Variants in TGFB2 observed in about 807,000 individuals in gnomAD.
The protein encoded by TGFB2 is transforming growth factor beta-2 proprotein.
TGFB2 carries 13 observed loss-of-function variants against 42.7 expected under a neutral mutation model. That is an observed-to-expected ratio of 0.30 (90% CI 0.20 to 0.48). The LOEUF is 0.48. Among genes scored for constraint, TGFB2 ranks in the 20% least tolerant of loss-of-function variants. The pLI, the probability that TGFB2 is intolerant of heterozygous loss-of-function variation, is 0.99. For missense variants in TGFB2, 390 were observed against 517.5 expected (o/e 0.75, Z 2.39); for synonymous variants, 193 against 193.6 (o/e 1.00, Z 0.03).
chr1:218,392,510 G>A (rs1658348159), intron 1 of TGFB2, among the ~76,000 whole-genome samples: 1 of 152,198 alleles, frequency 6.6e-6, no homozygotes, highest in Non-Finnish European at 1.5e-5. Context: ...AAGAACTCTT[G>A]TACTGTTGGA....
At chr1:218,429,385 CTCA>C (rs781003308) in intron 2 of TGFB2, among the ~76,000 whole-genome samples, 91 of 152,198 alleles carry the variant, frequency 6.0e-4, no homozygotes, top group Non-Finnish European at 1.5e-4. Flanking sequence ...TAGCATAATC[CTCA>C]GAGTTCATCC....
intron 2 of TGFB2, among the ~76,000 whole-genome samples, chr1:218,430,239 A>G (rs1418653359): frequency 6.6e-6 from 1 of 151,986 alleles, no homozygotes; most frequent in Non-Finnish European, 1.5e-5. Context: ...CTAAAAATAT[A>G]AAAAATTAGC....
At chr1:218,406,828 A>T (rs568062163) in intron 2 of TGFB2, among the ~76,000 whole-genome samples, 1 of 152,246 alleles carries the variant, frequency 6.6e-6, no homozygotes, top group East Asian at 1.9e-4. Flanking sequence ...GTAGAGTGAC[A>T]CTACAGAGGA....
chr1:218,398,461 A>G (rs1372323917), intron 1 of TGFB2, among the ~76,000 whole-genome samples: 1 of 152,236 alleles, frequency 6.6e-6, no homozygotes, highest in East Asian at 1.9e-4. Context: ...GCAAGCCTCA[A>G]ATCTACATTC....
chr1:218,420,389 G>A (rs1034244487), intron 2 of TGFB2, among the ~76,000 whole-genome samples: 2 of 152,180 alleles, frequency 1.3e-5, no homozygotes, highest in Non-Finnish European at 2.9e-5. Flanking sequence ...TCTCTTTTGT[G>A]TGATTTATAC....
At chr1:218,361,708 C>T (rs1657216821) in intron 1 of TGFB2, among the ~76,000 whole-genome samples, 2 of 152,276 alleles carry the variant, frequency 1.3e-5, no homozygotes, top group Non-Finnish European at 2.9e-5. Flanking sequence ...AGGTCAGATA[C>T]GAATGAGAAA....
intron 1 of TGFB2, among the ~76,000 whole-genome samples, chr1:218,391,657 A>C (rs1658320034): frequency 6.6e-6 from 1 of 152,256 alleles, no homozygotes; most frequent in Admixed American, 6.5e-5. Flanking sequence ...GTATACCCTG[A>C]ATAGGAGTAT....
At chr1:218,425,565 A>G (rs372141352) in intron 2 of TGFB2, among the ~76,000 whole-genome samples, 80 of 152,244 alleles carry the variant, frequency 5.3e-4, no homozygotes, top group African/African-American at 1.8e-3. Flanking sequence ...ATCCCACAAG[A>G]TTTCTGTGAA....
intron 2 of TGFB2, among the ~76,000 whole-genome samples, chr1:218,424,220 A>G (rs572959048): frequency 2.6e-5 from 4 of 152,352 alleles, no homozygotes; most frequent in Admixed American, 2.6e-4. Flanking sequence ...TATGATTTTA[A>G]CATTGTTATC....
chr1:218,357,633 C>A (rs1411970373), intron 1 of TGFB2, among the ~76,000 whole-genome samples: 1 of 152,198 alleles, frequency 6.6e-6, no homozygotes, highest in Non-Finnish European at 1.5e-5. Flanking sequence ...ACCACAATGA[C>A]TTGAGGAACT....
intron 1 of TGFB2, among the ~76,000 whole-genome samples, chr1:218,376,223 G>T (rs1657737543): frequency 6.6e-6 from 1 of 152,156 alleles, no homozygotes; most frequent in African/African-American, 2.4e-5. Flanking sequence ...AAGGCAGAAT[G>T]ACATTCTTTA....
intron 2 of TGFB2, among the ~76,000 whole-genome samples, chr1:218,415,749 G>A (rs1659257784): frequency 6.6e-6 from 1 of 150,944 alleles, no homozygotes; most frequent in African/African-American, 2.4e-5. Context: ...TATCAGAGTG[G>A]GAAAGGAGGA....
intron 1 of TGFB2, among the ~76,000 whole-genome samples, chr1:218,376,646 G>T (rs1298970574): frequency 6.6e-6 from 1 of 152,062 alleles, no homozygotes; most frequent in African/African-American, 2.4e-5. Context: ...CACCTAAGTG[G>T]GATGAATCCA....
Position 218,434,074 on chromosome 1 carries a change from C to T in TGFB2, c.511-8C>T, listed in dbSNP as rs770497232. Reference sequence around the variant, plus strand: ...TCAGCCTTTTCTCTTGCTCTTTTTCCCCTCCAGATTCTCAAGTCCAAAGAT... The same window carrying T: ...TCAGCCTTTTCTCTTGCTCTTTTTCTCCTCCAGATTCTCAAGTCCAAAGAT... On this transcript the variant is annotated splice_region_variant and splice_polypyrimidine_tract_variant and intron_variant, in intron 2 of 6. Transcript: ENST00000366930. 1.1e-5 allele frequency: 17 copies of T among 1,611,656 alleles called. No individual in the cohort carries two copies. The East Asian group carries it at 2.5e-4, about 23-fold the overall frequency.
intron 1 of TGFB2, among the ~76,000 whole-genome samples, chr1:218,375,438 T>TA (rs11428925): frequency 0.4 from 55,841 of 141,206 alleles, 13,073 homozygotes; most frequent in Non-Finnish European, 0.54. Context: ...GAGAGTTAAT[T>TA]AAAAAAAAAA....
rs1469180798 is a variant in TGFB2 at position 218,443,010 on chromosome 1, A to G, written c.*1648A>G. On this transcript the variant is annotated 3_prime_UTR_variant, in exon 7 of 7. Transcript: ENST00000366930. ...TTCAGGGGGAAATTGAAAGATATAT[A>G]TTTTAGTCGATTTTTCAAAAGGGGA... The G allele has an allele frequency of 6.6e-6, 1 of 152,142 alleles. No individual in the cohort carries two copies. Among genetic ancestry groups the G allele is most frequent in the Non-Finnish European group, 1.5e-5 (1 of 68,008 alleles). The allele number at this position is 152,142 out of a possible 1,614,324, so 9.4% of individuals were successfully genotyped here. A position where few individuals can be genotyped will look rare whatever the true frequency, so the allele number is the denominator to read the frequency against.
At chr1:218,422,417 C>G (rs1276457397) in intron 2 of TGFB2, among the ~76,000 whole-genome samples, 1 of 151,990 alleles carries the variant, frequency 6.6e-6, no homozygotes, top group African/African-American at 2.4e-5. Flanking sequence ...GGTGAGGTCT[C>G]ATTATGTTGC....
intron 6 of TGFB2, among the ~76,000 whole-genome samples, chr1:218,437,865 T>C (rs553272810): frequency 4.0e-4 from 61 of 152,292 alleles, no homozygotes; most frequent in African/African-American, 1.4e-3. Context: ...TGATACATAA[T>C]TGCATATATT....
intron 1 of TGFB2, among the ~76,000 whole-genome samples, chr1:218,371,606 G>A (rs767492429): frequency 7.5e-4 from 114 of 152,100 alleles, no homozygotes; most frequent in Non-Finnish European, 8.2e-4. Flanking sequence ...ATGTATGTCC[G>A]GCAGACTCTG....
Sources: allele counts gnomAD v4.1 joint callset (sites outside exome capture counted in the v4.1 genomes callset), GRCh38; gene constraint gnomAD v4.1.1; transcripts MANE v1.5; gene names NCBI Gene and HGNC (gene_info 2026-07-23, HGNC 2026-07-21).